Variants in CFAP47 observed in about 807,000 individuals in gnomAD.
CFAP47 encodes cilia- and flagella-associated protein 47.
CFAP47 carries 29 observed loss-of-function variants against 148.1 expected under a neutral mutation model. The observed-to-expected ratio is 0.20, with a 90% confidence interval of 0.15 to 0.27. CFAP47 has a LOEUF of 0.27. CFAP47 is among the 10% of genes least tolerant of loss of function. The pLI is 1.00. For synonymous variants in CFAP47, 664 were observed against 577.3 expected (o/e 1.15, Z -2.15); for missense variants, 1,872 against 1,697.5 (o/e 1.10, Z -1.81).
At chrX:36,332,205 G>T (rs782714240) in intron 57 of CFAP47, among the ~76,000 whole-genome samples, 2 of 111,071 alleles carry the variant, frequency 1.8e-5, no homozygotes, top group South Asian at 3.7e-4. Context: ...AAAATATATT[G>T]GATAAGAAGA....
intron 59 of CFAP47, among the ~76,000 whole-genome samples, chrX:36,352,094 C>T (rs941112589): frequency 1.8e-5 from 2 of 111,160 alleles, no homozygotes; most frequent in African/African-American, 6.5e-5. Flanking sequence ...ATTGGAAAAA[C>T]ACTCTACTAT....
intron 45 of CFAP47, among the ~76,000 whole-genome samples, chrX:36,226,634 AAG>A (rs1336481029): frequency 5.4e-5 from 6 of 111,715 alleles, no homozygotes; most frequent in African/African-American, 1.9e-4. Context: ...TTGGATTTGT[AAG>A]AGAGAGGGGC....
intron 2 of CFAP47, among the ~76,000 whole-genome samples, chrX:35,927,693 C>T (rs1307198447): frequency 9.1e-6 from 1 of 110,113 alleles, no homozygotes; most frequent in Non-Finnish European, 1.9e-5. Context: ...TCCACCACCA[C>T]AGTCAAGATA....
intron 49 of CFAP47, among the ~76,000 whole-genome samples, chrX:36,274,477 C>A (rs1254023444): frequency 9.0e-6 from 1 of 111,374 alleles, no homozygotes; most frequent in Non-Finnish European, 1.9e-5. Flanking sequence ...AACTTATGAT[C>A]ATTTTACCAG....
chrX:36,344,230 T>TA (rs200163584), intron 57 of CFAP47, among the ~76,000 whole-genome samples: 464 of 36,559 alleles, frequency 0.013, 4 homozygotes, highest in African/African-American at 0.048. Flanking sequence ...TAAAGTATAA[T>TA]AAAAAAAAGA....
chrX:36,368,154 G>A (rs1941896540), intron 62 of CFAP47: 1 of 111,614 alleles, frequency 9.0e-6, no homozygotes, highest in Non-Finnish European at 1.9e-5. Context: ...GGTAAACTGG[G>A]ACAGATCTGA....
rs192233472 is a variant in CFAP47 at position 35,956,123 on chromosome X, C to T, written c.1337C>T (p.Thr446Met). 9.4e-5 allele frequency: 114 copies of T among 1,209,367 alleles called. No individual in the cohort carries two copies. Among genetic ancestry groups the T allele is most frequent in the Middle Eastern group, 4.6e-4 (2 of 4,346 alleles). Residue 446 changes from threonine to methionine, a missense_variant, in exon 8 of 64, where the codon ACG becomes ATG. Physicochemically the swap from Thr to Met is moderately conservative, Grantham distance 81. Transcript: ENST00000378653. ...AATCAATGCGAATTACTTCCTGTGACGTACCACTTTAAAAAAACTGCAAAT... is the reference window on the plus strand; with the variant it reads ...AATCAATGCGAATTACTTCCTGTGATGTACCACTTTAAAAAAACTGCAAAT... ...IKNQCELLPV[T>M]YHFKKTANFE...
intron 3 of CFAP47, among the ~76,000 whole-genome samples, chrX:35,947,339 G>A (rs1005735497): frequency 1.8e-5 from 2 of 108,957 alleles, no homozygotes; most frequent in Non-Finnish European, 3.8e-5. Flanking sequence ...GTTTCTCACT[G>A]CAGGTCTGTG....
chrX:36,262,538 A>T (rs936590519), intron 49 of CFAP47, among the ~76,000 whole-genome samples: 4 of 112,365 alleles, frequency 3.6e-5, no homozygotes, highest in Non-Finnish European at 5.6e-5. Context: ...TATTACAAAT[A>T]ACAGGATCTC....
intron 50 of CFAP47, among the ~76,000 whole-genome samples, chrX:36,282,671 C>G (rs1556003850): frequency 1.8e-5 from 2 of 111,435 alleles, no homozygotes; most frequent in Non-Finnish European, 1.9e-5. Flanking sequence ...GAAATGAAAG[C>G]AACACCTAAA....
At chrX:35,977,093 G>A (rs1237442129) in intron 15 of CFAP47, among the ~76,000 whole-genome samples, 1 of 111,673 alleles carries the variant, frequency 9.0e-6, no homozygotes, top group Non-Finnish European at 1.9e-5. Context: ...TGATCAATAC[G>A]GTATCTTTGT....
intron 26 of CFAP47, among the ~76,000 whole-genome samples, chrX:36,052,805 G>T (rs1228074661): frequency 8.9e-6 from 1 of 112,422 alleles, no homozygotes; most frequent in East Asian, 2.8e-4. Context: ...AATAATGAAG[G>T]TAATTCTAAA....
chrX:35,962,734 G>A (rs1294085634), intron 8 of CFAP47, among the ~76,000 whole-genome samples: 1 of 110,772 alleles, frequency 9.0e-6, no homozygotes, highest in Non-Finnish European at 1.9e-5. Context: ...TGTAGATTAT[G>A]TGTTTTTGCC....
chrX:36,155,655 G>T (rs1282401090), intron 37 of CFAP47, among the ~76,000 whole-genome samples: 1 of 111,448 alleles, frequency 9.0e-6, no homozygotes, highest in African/African-American at 3.3e-5. Context: ...TTATGTTTCA[G>T]TCTTGACATG....
intron 8 of CFAP47, among the ~76,000 whole-genome samples, chrX:35,958,243 G>A (rs1982533780): frequency 9.0e-6 from 1 of 111,388 alleles, no homozygotes; most frequent in African/African-American, 3.3e-5. Flanking sequence ...TATATTTTTT[G>A]TATGGATATA....
intron 33 of CFAP47, among the ~76,000 whole-genome samples, chrX:36,114,415 G>A (rs1476456449): frequency 8.9e-6 from 1 of 111,894 alleles, no homozygotes; most frequent in African/African-American, 3.3e-5. Context: ...GGGAAAGAAG[G>A]CACTCTGGCT....
At chrX:36,058,207 A>T (rs1937569274) in intron 26 of CFAP47, among the ~76,000 whole-genome samples, 1 of 111,754 alleles carries the variant, frequency 8.9e-6, no homozygotes, top group African/African-American at 3.2e-5. Flanking sequence ...TTTGCCAGCC[A>T]CTCTACATGA....
intron 33 of CFAP47, among the ~76,000 whole-genome samples, chrX:36,124,668 T>C (rs1417914140): frequency 5.4e-5 from 6 of 111,325 alleles, no homozygotes; most frequent in African/African-American, 2.0e-4. Context: ...GTGTCCACAA[T>C]TTAAGATTGT....
chrX:36,304,373 C>T (rs367886353), intron 54 of CFAP47, among the ~76,000 whole-genome samples: 38 of 101,440 alleles, frequency 3.7e-4, no homozygotes, highest in African/African-American at 1.4e-3. Context: ...TAGAACGAGA[C>T]TCTGTCTCCA....
Sources: gnomAD v4.1 joint callset for allele counts (sites outside exome capture counted in the v4.1 genomes callset) on GRCh38, gnomAD v4.1.1 for gene constraint, MANE v1.5 for transcripts, NCBI Gene and HGNC (gene_info 2026-07-23, HGNC 2026-07-21) for gene names.